Variants in ZBTB5 observed in about 807,000 individuals in gnomAD.
ZBTB5 encodes the protein zinc finger and BTB domain-containing protein 5.
ZBTB5 carries 15 observed loss-of-function variants against 37.9 expected under a neutral mutation model. The observed-to-expected ratio is 0.40, with a 90% CI of 0.26 to 0.61. The LOEUF (loss-of-function observed/expected upper bound fraction) is 0.61, where lower values mean the gene tolerates loss of function less well. Among genes scored for constraint, ZBTB5 ranks in the 20% least tolerant of loss-of-function variants. The pLI is 0.47. For synonymous variants in ZBTB5, 315 were observed against 312.4 expected (o/e 1.01, Z -0.09); for missense variants, 708 against 856.8 (o/e 0.83, Z 2.17).
At chr9:37,452,182 G>A (rs112957648) in intron 1 of ZBTB5, among the ~76,000 whole-genome samples, 7 of 152,224 alleles carry the variant, frequency 4.6e-5, no homozygotes, top group African/African-American at 1.7e-4. Flanking sequence ...GCAAGATGGG[G>A]TCGGTTAGGT....
At position 37,441,002 on chromosome 9, in the gene ZBTB5, AAGG is replaced by A. The variant is rs751441973; in HGVS notation, c.1547_1549del (p.Ser516del). On this transcript the variant is annotated inframe_deletion, in exon 2 of 2. Coordinates refer to ENST00000307750, the MANE Select transcript of ZBTB5 (RefSeq NM_014872.3). Reference sequence around the variant, plus strand: ...TGGGGAACCTATCATTACCCTGGAGAAGGAGGAGTGGAGGCCCAAACCAGACCT... The same window carrying A: ...TGGGGAACCTATCATTACCCTGGAGAAGGAGTGGAGGCCCAAACCAGACCT... 5.6e-6 allele frequency: 9 copies of A among 1,614,136 alleles called. No homozygotes were observed. The highest frequency in any genetic ancestry group is 3.3e-4 in the Middle Eastern group (2 of 6,062).
rs1823863441 is a variant in ZBTB5, at chr9:37,441,100, C to G, written c.1452G>C (p.Glu484Asp). 6.2e-7 allele frequency: 1 copy of G among 1,614,128 alleles called. No individual in the cohort carries two copies. The highest frequency in any genetic ancestry group is 8.5e-7 in the Non-Finnish European group (1 of 1,180,034). ...ADSHFVRPMQ[E>D]VMGLPCVQTS... ...TCTGCACACACGGCAGGCCCATCAC[C>G]TCCTGCATAGGCCTGACGAAGTGGG... Residue 484 changes from glutamate (E) to aspartate (D), a missense_variant, in exon 2 of 2, where the codon GAG becomes GAC. This residue lies in a region of ZBTB5 where 639 missense variants were observed against 690.5 expected (regional missense o/e 0.93). Transcript: ENST00000307750.
chr9:37,447,210 A>G (rs907627104), intron 1 of ZBTB5, among the ~76,000 whole-genome samples: 2 of 152,250 alleles, frequency 1.3e-5, no homozygotes, highest in African/African-American at 4.8e-5. Context: ...ACATGGTGGC[A>G]GAAGAGTGTG....
intron 1 of ZBTB5, among the ~76,000 whole-genome samples, chr9:37,446,710 C>T (rs932975740): frequency 4.6e-5 from 7 of 152,212 alleles, no homozygotes; most frequent in African/African-American, 1.7e-4. Flanking sequence ...CGGGTCCCCA[C>T]CCGACTCACT....
intron 1 of ZBTB5, among the ~76,000 whole-genome samples, chr9:37,450,731 G>A (rs893887393): frequency 3.9e-5 from 6 of 151,972 alleles, no homozygotes; most frequent in African/African-American, 1.5e-4. Flanking sequence ...CAGGCTTGGT[G>A]GCACGTACCT....
rs139836926 is a variant in ZBTB5, at chr9:37,463,980, G to C, written c.-5+1235C>G. Among the ~76,000 whole-genome samples the C allele has an allele frequency of 4.3e-3, 651 of 152,290 alleles. 3 individuals are homozygous for C. The highest frequency in any genetic ancestry group is 0.015 in the African/African-American group (612 of 41,564). ...AGGTCAATCTTCCCAAATTTGATGA[G>C]ATTTCCATAAGGGTTAAAAGGAAGA... On this transcript the variant is annotated intron_variant, in intron 1 of 1. Transcript: ENST00000307750.
chr9:37,457,259 G>C (rs1363131446), intron 1 of ZBTB5, among the ~76,000 whole-genome samples: 1 of 152,182 alleles, frequency 6.6e-6, no homozygotes, highest in African/African-American at 2.4e-5. Flanking sequence ...TTTTGAGACA[G>C]AGTCTTGCTT....
At chr9:37,457,085 G>A (rs1824203076) in intron 1 of ZBTB5, among the ~76,000 whole-genome samples, 1 of 152,202 alleles carries the variant, frequency 6.6e-6, no homozygotes, top group Non-Finnish European at 1.5e-5. Context: ...AAGTTAAGCT[G>A]ATAGCTGCAG....
At chr9:37,458,966 G>A (rs1298265062) in intron 1 of ZBTB5, among the ~76,000 whole-genome samples, 2 of 152,164 alleles carry the variant, frequency 1.3e-5, no homozygotes, top group African/African-American at 4.8e-5. Context: ...CAGTATCAGA[G>A]TAAGAATATC....
rs1373695070 is a variant in ZBTB5, at chr9:37,438,106, G to C, written c.*2412C>G. On this transcript the variant is annotated 3_prime_UTR_variant, in exon 2 of 2. Coordinates refer to ENST00000307750, the MANE Select transcript of ZBTB5 (RefSeq NM_014872.3). Reference sequence around the variant, plus strand: ...CGTAAAGAAAAAGAACACATATTTAGAGGCATGAATATGACAAATTTTTTA... The same window carrying C: ...CGTAAAGAAAAAGAACACATATTTACAGGCATGAATATGACAAATTTTTTA... The C allele has an allele frequency of 6.6e-6, 1 of 152,312 alleles. No homozygotes were observed. The highest frequency in any genetic ancestry group is 1.5e-5 in the Non-Finnish European group (1 of 68,018). The allele number at this position is 152,312 out of a possible 1,614,324, so 9.4% of individuals were successfully genotyped here.
chr9:37,445,258 A>G (rs1360597167), intron 1 of ZBTB5, among the ~76,000 whole-genome samples: 3 of 152,198 alleles, frequency 2.0e-5, no homozygotes, highest in Non-Finnish European at 4.4e-5. Flanking sequence ...GATGAGGTAT[A>G]ATAAAGTTAA....
intron 1 of ZBTB5, among the ~76,000 whole-genome samples, chr9:37,451,262 T>C (rs1461430276): frequency 3.9e-5 from 6 of 151,956 alleles, no homozygotes; most frequent in African/African-American, 9.7e-5. Flanking sequence ...GTAGAACTAC[T>C]GATTCGTTAA....
rs780479992 is a variant in ZBTB5 at position 37,441,391 on chromosome 9, G to A, written c.1161C>T (p.Asp387=). 6.4e-5 allele frequency: 104 copies of A among 1,613,894 alleles called. No individual in the cohort carries two copies. Among genetic ancestry groups the A allele is most frequent in the East Asian group, 6.7e-5 (3 of 44,880 alleles). The stretch of plus-strand genomic sequence containing the variant: ...CCAAAATATGGATATCACCTACCCT[G>A]TCTGTGCTAGACTGGGGATCTGAAA... ...RSFSDPQSST[D]RVGDIHILEV... The change falls in exon 2 of 2, where the codon GAC becomes GAT. Residue 387 remains aspartate (D), a synonymous_variant. Transcript: ENST00000307750.
intron 1 of ZBTB5, among the ~76,000 whole-genome samples, chr9:37,457,081 AGCT>A (rs1824202879): frequency 6.6e-6 from 1 of 152,248 alleles, no homozygotes; most frequent in Non-Finnish European, 1.5e-5. Context: ...AATGAAGTTA[AGCT>A]GATAGCTGCA....
chr9:37,456,786 A>G (rs919345663), intron 1 of ZBTB5, among the ~76,000 whole-genome samples: 1 of 152,258 alleles, frequency 6.6e-6, no homozygotes, highest in East Asian at 1.9e-4. Context: ...TACTCAGTAA[A>G]TTATTTGCTG....
At position 37,441,570 on chromosome 9, in the gene ZBTB5, CCA is replaced by C; in HGVS notation, c.980_981del (p.Val327GlyfsTer3). 1 of 1,612,950 alleles carries C rather than the reference CCA, an allele frequency of 6.2e-7. No homozygotes were observed. Among genetic ancestry groups the C allele is most frequent in the Non-Finnish European group, 8.5e-7 (1 of 1,179,904 alleles). On this transcript the variant is annotated frameshift_variant, in exon 2 of 2. Coordinates refer to ENST00000307750, the MANE Select transcript of ZBTB5 (RefSeq NM_014872.3). LOFTEE classifies it high-confidence loss of function. ...GAGCTCAGGGGCTCAGATTTAACCA[CCA>C]CTCTCATGTGCTCCTTCTCACCAAG... ...VGLGEKEHMR[V>X]VVKSEPLSSP...
At position 37,465,252 on chromosome 9, in the gene ZBTB5, A is replaced by G. The variant is rs935412530; in HGVS notation, c.-42T>C. ...CCGCCCCCCTCCTCCTCGCTGAAGG[A>G]GGCGGTGACCCCTCTCCGATCGGAC... On this transcript the variant is annotated 5_prime_UTR_variant, in exon 1 of 2. Transcript: ENST00000307750. 7 of 151,888 alleles carry G rather than the reference A, an allele frequency of 4.6e-5. No homozygotes were observed. Among genetic ancestry groups the G allele is most frequent in the African/African-American group, 1.7e-4 (7 of 41,318 alleles). The allele number at this position is 151,888 out of a possible 1,614,324, so 9.4% of individuals were successfully genotyped here.
rs1456679077 is a variant in ZBTB5, at chr9:37,439,393, T to G, written c.*1125A>C. 6.6e-6 allele frequency: 1 copy of G among 152,260 alleles called. No individual in the cohort carries two copies. Among genetic ancestry groups the G allele is most frequent in the Non-Finnish European group, 1.5e-5 (1 of 68,042 alleles). The allele number at this position is 152,260 out of a possible 1,614,324, so 9.4% of individuals were successfully genotyped here. On this transcript the variant is annotated 3_prime_UTR_variant, in exon 2 of 2. Transcript: ENST00000307750. ...TACCATGTTTGGATTTCAAACAACTTTAAACATTTGGTATCAGATTGGGGG... is the reference window on the plus strand; with the variant it reads ...TACCATGTTTGGATTTCAAACAACTGTAAACATTTGGTATCAGATTGGGGG...
At position 37,440,481 on chromosome 9, in the gene ZBTB5, A is replaced by T. The variant is rs767278801; in HGVS notation, c.*37T>A. ...TGCTTACCAAAAGAAATTCAGTCTG[A>T]CAACTGGCCTCAGCGTTGTCTTGTA... On this transcript the variant is annotated 3_prime_UTR_variant, in exon 2 of 2. Transcript: ENST00000307750. 2 of 1,587,564 alleles carry T rather than the reference A, an allele frequency of 1.3e-6. No homozygotes were observed. Among genetic ancestry groups the T allele is most frequent in the East Asian group, 2.2e-5 (1 of 44,550 alleles).
Sources: gnomAD v4.1 joint callset for allele counts (sites outside exome capture counted in the v4.1 genomes callset) on GRCh38, gnomAD v4.1.1 for gene constraint, gnomAD v4.1.1 regional missense constraint, MANE v1.5 for transcripts, NCBI Gene and HGNC (gene_info 2026-07-23, HGNC 2026-07-21) for gene names.